B3GALT1: variants seen among roughly 807,000 people sequenced by gnomAD.
B3GALT1 encodes beta-1,3-galactosyltransferase 1.
In B3GALT1, 10 loss-of-function variants were observed where a neutral mutation model predicts 23.2. The ratio of observed to expected loss-of-function variants is 0.43; its 90% CI spans 0.27 to 0.73. The LOEUF (loss-of-function observed/expected upper bound fraction) is 0.73. Among genes scored for constraint, B3GALT1 ranks in the 30% least tolerant of loss-of-function variants. The pLI is 0.21. For synonymous variants in B3GALT1, 156 were observed against 141.5 expected, an observed-to-expected ratio of 1.10 and a Z score of -0.73; for missense variants, 299 against 405.4, an observed-to-expected ratio of 0.74 and a Z score of 2.25.
At chr2:167,734,162 G>A (rs1369679189) in intron 3 of B3GALT1, among the ~76,000 whole-genome samples, 2 of 152,098 alleles carry the variant, frequency 1.3e-5, no homozygotes, top group African/African-American at 2.4e-5. Flanking sequence ...AAAAATATTG[G>A]TTGCTATAAA....
intron 3 of B3GALT1, among the ~76,000 whole-genome samples, chr2:167,817,056 C>T (rs981378096): frequency 3.9e-5 from 6 of 152,134 alleles, no homozygotes; most frequent in Middle Eastern, 3.2e-3. Context: ...GCCAAATAGA[C>T]GTGCTCTCCT....
chr2:167,631,500 T>C (rs1157198269), intron 2 of B3GALT1: 1 of 151,858 alleles, frequency 6.6e-6, no homozygotes, highest in Non-Finnish European at 1.5e-5. Flanking sequence ...TGGTGGAAAC[T>C]GGAAAACCTG....
chr2:167,805,884 T>C (rs1340202610), intron 3 of B3GALT1, among the ~76,000 whole-genome samples: 3 of 152,212 alleles, frequency 2.0e-5, no homozygotes, highest in Non-Finnish European at 2.9e-5. Flanking sequence ...GGTAGCTTGA[T>C]AGGGATGGCA....
intron 4 of B3GALT1, among the ~76,000 whole-genome samples, chr2:167,867,116 C>CA (rs1690240912): frequency 6.6e-6 from 1 of 151,984 alleles, no homozygotes; most frequent in Non-Finnish European, 1.5e-5. Flanking sequence ...TTAGTAGAGA[C>CA]GGGGTTTCAC....
At chr2:167,691,713 T>C (rs1686715947) in intron 3 of B3GALT1, among the ~76,000 whole-genome samples, 1 of 152,282 alleles carries the variant, frequency 6.6e-6, no homozygotes, top group East Asian at 1.9e-4. Flanking sequence ...ATTCAGTTCT[T>C]CTATGGAAGA....
At chr2:167,656,427 T>G (rs1180194385) in intron 3 of B3GALT1, among the ~76,000 whole-genome samples, 2 of 152,160 alleles carry the variant, frequency 1.3e-5, no homozygotes, top group Non-Finnish European at 2.9e-5. Context: ...CAGGACCTTT[T>G]TTTCTTTAAG....
chr2:167,641,163 A>G (rs1001583832), intron 2 of B3GALT1, among the ~76,000 whole-genome samples: 1 of 152,206 alleles, frequency 6.6e-6, no homozygotes, highest in African/African-American at 2.4e-5. Flanking sequence ...AAAGACAGTT[A>G]TCAGAAATAA....
At chr2:167,529,430 C>G (rs894231680) in intron 2 of B3GALT1, among the ~76,000 whole-genome samples, 15 of 151,814 alleles carry the variant, frequency 9.9e-5, no homozygotes, top group Non-Finnish European at 4.4e-5. Flanking sequence ...TGACATTTGC[C>G]TCTTTGGCAC....
At chr2:167,719,268 T>C (rs764892482) in intron 3 of B3GALT1, among the ~76,000 whole-genome samples, 2 of 152,234 alleles carry the variant, frequency 1.3e-5, no homozygotes, top group Non-Finnish European at 1.5e-5. Context: ...TGTATGTGCA[T>C]TGATTTTTGA....
chr2:167,435,101 C>T (rs981761301), intron 1 of B3GALT1, among the ~76,000 whole-genome samples: 1 of 150,392 alleles, frequency 6.6e-6, no homozygotes, highest in Non-Finnish European at 1.5e-5. Context: ...GTGGTTAACA[C>T]ATTCTTTATT....
Position 167,553,649 on chromosome 2 carries a change from G to T in B3GALT1, c.-410+63372G>T, listed in dbSNP as rs1683789959. ...AAAATGGTCAGCTGGACCATATAGGGGCTTAGATCTTTTTTAGACCTAAAT... is the reference window on the plus strand; with the variant it reads ...AAAATGGTCAGCTGGACCATATAGGTGCTTAGATCTTTTTTAGACCTAAAT... On this transcript the variant is annotated intron_variant, in intron 2 of 4. Coordinates refer to ENST00000392690, the MANE Select transcript of B3GALT1 (RefSeq NM_020981.4). Among the ~76,000 whole-genome samples the T allele has an allele frequency of 3.3e-5, 5 of 152,146 alleles. No homozygotes were observed. The South Asian group carries it at 8.3e-4, about 25-fold the overall frequency.
intron 1 of B3GALT1, among the ~76,000 whole-genome samples, chr2:167,439,119 G>A (rs114910408): frequency 3.8e-4 from 58 of 152,276 alleles, no homozygotes; most frequent in African/African-American, 1.3e-3. Context: ...ATGTTTGTTT[G>A]TTATTCAAAT....
chr2:167,448,873 T>G (rs953870707), intron 1 of B3GALT1, among the ~76,000 whole-genome samples: 1 of 152,172 alleles, frequency 6.6e-6, no homozygotes, highest in Admixed American at 6.5e-5. Context: ...CTCCACTTTT[T>G]GTTTTTGTTG....
chr2:167,625,298 T>C (rs890761478), intron 2 of B3GALT1, among the ~76,000 whole-genome samples: 5 of 151,886 alleles, frequency 3.3e-5, no homozygotes, highest in Non-Finnish European at 7.4e-5. Context: ...TGGCTAACCT[T>C]TGAGGAAGTA....
chr2:167,489,665 G>A (rs1463734287), intron 1 of B3GALT1, among the ~76,000 whole-genome samples: 1 of 152,068 alleles, frequency 6.6e-6, no homozygotes, highest in Non-Finnish European at 1.5e-5. Flanking sequence ...GGGGTACTTT[G>A]GGATTTGGTA....
At chr2:167,858,182 T>C (rs1690034108) in intron 4 of B3GALT1, among the ~76,000 whole-genome samples, 1 of 152,084 alleles carries the variant, frequency 6.6e-6, no homozygotes. Flanking sequence ...GTAATGACAA[T>C]AGTCATGACA....
intron 2 of B3GALT1, among the ~76,000 whole-genome samples, chr2:167,509,604 G>A (rs1699973359): frequency 6.6e-6 from 1 of 152,130 alleles, no homozygotes; most frequent in Non-Finnish European, 1.5e-5. Context: ...AAGTAAATTA[G>A]ACAGTAAACA....
intron 1 of B3GALT1, among the ~76,000 whole-genome samples, chr2:167,413,951 T>C (rs775095781): frequency 7.2e-5 from 11 of 152,148 alleles, no homozygotes; most frequent in Non-Finnish European, 1.2e-4. Flanking sequence ...ATGTTGAGTT[T>C]ATTTACTGCA....
chr2:167,392,755 A>G (rs937238234), intron 1 of B3GALT1, among the ~76,000 whole-genome samples: 16 of 152,200 alleles, frequency 1.1e-4, no homozygotes, highest in Non-Finnish European at 1.8e-4. Flanking sequence ...CTTAAAGACA[A>G]TAGCAGAAAC....
Sources: gnomAD v4.1 joint callset for allele counts (sites outside exome capture counted in the v4.1 genomes callset) on GRCh38, gnomAD v4.1.1 for gene constraint, MANE v1.5 for transcripts, NCBI Gene and HGNC (gene_info 2026-07-23, HGNC 2026-07-21) for gene names.